SPATA13: variants seen among roughly 807,000 people sequenced by gnomAD.
SPATA13 encodes the protein spermatogenesis associated 13.
In SPATA13, 50 loss-of-function variants were observed where a neutral mutation model predicts 104.0. That is an observed-to-expected ratio of 0.48 (90% CI 0.38 to 0.61). SPATA13 has a LOEUF of 0.61. SPATA13 is among the 20% of genes least tolerant of loss of function. The probability of loss-of-function intolerance (pLI) is 0.00; values close to 1 mark genes in which losing one functional copy is unlikely to be tolerated. For synonymous variants in SPATA13, 606 were observed against 667.5 expected, an observed-to-expected ratio of 0.91 and a Z score of 1.42; for missense variants, 1,524 against 1,690.6, an observed-to-expected ratio of 0.90 and a Z score of 1.73.
At chr13:24,100,247 A>G (rs74042409) in intron 3 of SPATA13, among the ~76,000 whole-genome samples, 4,828 of 152,250 alleles carry the variant, frequency 0.032, 207 homozygotes, top group African/African-American at 0.097. Context: ...GAACCTTTTT[A>G]CCAAGTGGCA....
chr13:24,283,120 C>T (rs957434746), intron 4 of SPATA13, among the ~76,000 whole-genome samples: 3 of 152,178 alleles, frequency 2.0e-5, no homozygotes, highest in African/African-American at 4.8e-5. Flanking sequence ...TGCAATCGGG[C>T]CATCGCACTG....
At chr13:24,224,701 C>A in intron 2 of SPATA13, 119 bp downstream of exon 2, 1 of 1,055,164 alleles carries the variant, frequency 9.5e-7, no homozygotes, top group Non-Finnish European at 1.4e-6. Flanking sequence ...GACCTTGTTG[C>A]CCTTACAGTA....
At chr13:24,207,947 G>A (rs1870799584) in intron 1 of SPATA13, among the ~76,000 whole-genome samples, 2 of 152,212 alleles carry the variant, frequency 1.3e-5, no homozygotes, top group Non-Finnish European at 2.9e-5. Flanking sequence ...GAGGGTAGTT[G>A]TGTTGAGAAT....
chr13:24,273,319 A>T (rs542758451), intron 4 of SPATA13, among the ~76,000 whole-genome samples: 1 of 152,258 alleles, frequency 6.6e-6, no homozygotes, highest in East Asian at 1.9e-4. Context: ...CCCTAAGTTG[A>T]ATACTGATGT....
chr13:24,139,862 T>A (rs887782602), intron 3 of SPATA13, among the ~76,000 whole-genome samples: 2 of 152,120 alleles, frequency 1.3e-5, no homozygotes, highest in Non-Finnish European at 2.9e-5. Context: ...GGTCAGGAGA[T>A]CTAGACCATC....
chr13:24,002,288 G>A (rs1026572790), intron 2 of SPATA13, among the ~76,000 whole-genome samples: 2 of 152,166 alleles, frequency 1.3e-5, no homozygotes, highest in African/African-American at 4.8e-5. Flanking sequence ...CATGTTGAAT[G>A]ACAGGTATCT....
intron 1 of SPATA13, among the ~76,000 whole-genome samples, chr13:24,210,286 C>T (rs1440667263): frequency 6.6e-6 from 1 of 152,072 alleles, no homozygotes; most frequent in East Asian, 1.9e-4. Context: ...GATACAGTCT[C>T]GTGTCTATTT....
chr13:24,077,462 A>G (rs1209638184), intron 3 of SPATA13, among the ~76,000 whole-genome samples: 1 of 152,098 alleles, frequency 6.6e-6, no homozygotes, highest in African/African-American at 2.4e-5. Context: ...ATAGATGCTC[A>G]GGAATCCAAA....
At chr13:24,128,413 C>T (rs1566114020) in intron 3 of SPATA13, among the ~76,000 whole-genome samples, 1 of 152,126 alleles carries the variant, frequency 6.6e-6, no homozygotes, top group Non-Finnish European at 1.5e-5. Flanking sequence ...CCCCAATGTA[C>T]GGTCAGATTT....
chr13:24,197,847 G>A (rs1236728278), intron 1 of SPATA13, among the ~76,000 whole-genome samples: 1 of 152,030 alleles, frequency 6.6e-6, no homozygotes, highest in African/African-American at 2.4e-5. Flanking sequence ...TGTGTTCCCT[G>A]GCTCTCTCAG....
chr13:24,000,849 A>G (rs893977779), intron 2 of SPATA13, among the ~76,000 whole-genome samples: 33 of 151,556 alleles, frequency 2.2e-4, no homozygotes, highest in African/African-American at 7.8e-4. Context: ...AATTTGGGAG[A>G]GCCCTGGATG....
chr13:24,087,282 C>T (rs1879757023), intron 3 of SPATA13, among the ~76,000 whole-genome samples: 1 of 152,186 alleles, frequency 6.6e-6, no homozygotes, highest in African/African-American at 2.4e-5. Context: ...AGTTCCTGAG[C>T]AAAGCCTGCT....
chr13:24,020,980 G>T (rs535850778), intron 3 of SPATA13, among the ~76,000 whole-genome samples: 7 of 152,290 alleles, frequency 4.6e-5, no homozygotes, highest in Non-Finnish European at 8.8e-5. Flanking sequence ...GGCGGTGGTT[G>T]CACAGGGCCT....
intron 1 of SPATA13, among the ~76,000 whole-genome samples, chr13:24,216,493 C>T (rs1176686579): frequency 6.6e-6 from 1 of 152,196 alleles, no homozygotes; most frequent in African/African-American, 2.4e-5. Context: ...TGCATTTGTC[C>T]ATATACTTTC....
At chr13:24,232,904 T>C (rs989692553) in intron 2 of SPATA13, among the ~76,000 whole-genome samples, 2 of 152,322 alleles carry the variant, frequency 1.3e-5, no homozygotes, top group Non-Finnish European at 2.9e-5. Context: ...GAAAATACAG[T>C]TACCAAATTT....
chr13:24,091,687 T>G (rs1879916186), intron 3 of SPATA13, among the ~76,000 whole-genome samples: 1 of 152,196 alleles, frequency 6.6e-6, no homozygotes, highest in Non-Finnish European at 1.5e-5. Context: ...GGTGTGCACC[T>G]GTAATCCCAG....
chr13:24,110,181 A>G (rs17080058), intron 3 of SPATA13, among the ~76,000 whole-genome samples: 16,495 of 151,364 alleles, frequency 0.11, 1,051 homozygotes, highest in African/African-American at 0.17. Flanking sequence ...AGCAGTAAAA[A>G]CTGGAGCACA....
intron 3 of SPATA13, among the ~76,000 whole-genome samples, chr13:24,042,815 C>G (rs1877983607): frequency 6.6e-6 from 1 of 152,244 alleles, no homozygotes; most frequent in African/African-American, 2.4e-5. Flanking sequence ...TCTCCCAGTT[C>G]ATTCTAACAC....
chr13:24,000,609 G>C (rs575821123), intron 2 of SPATA13, among the ~76,000 whole-genome samples: 1 of 152,158 alleles, frequency 6.6e-6, no homozygotes, highest in South Asian at 2.1e-4. Flanking sequence ...TGGAGAAGAC[G>C]GCCCAAGAAG....
Sources: allele counts gnomAD v4.1 joint callset (sites outside exome capture counted in the v4.1 genomes callset), GRCh38; gene constraint gnomAD v4.1.1; transcripts MANE v1.5; gene names NCBI Gene and HGNC (gene_info 2026-07-23, HGNC 2026-07-21).